The following SPATA17 variants were observed in gnomAD, a reference collection of about 807,000 sequenced individuals.
SPATA17 encodes spermatogenesis-associated protein 17.
A neutral mutation model predicts 62.2 loss-of-function variants in SPATA17; 53 were observed. That is an observed-to-expected ratio of 0.85 (90% confidence interval 0.68 to 1.07). The LOEUF (loss-of-function observed/expected upper bound fraction) is 1.07, where lower values mean the gene tolerates loss of function less well. Ranked by LOEUF, SPATA17 falls within the 50% of genes least tolerant of loss-of-function variation. SPATA17 has a pLI of 0.00. For missense variants in SPATA17, 466 were observed against 425.5 expected, an observed-to-expected ratio of 1.10 and a Z score of -0.84; for synonymous variants, 146 against 146.8, an observed-to-expected ratio of 0.99 and a Z score of 0.04.
At chr1:217,712,128 C>CTTTTTTT (rs551988828) in intron 5 of SPATA17, among the ~76,000 whole-genome samples, 1,889 of 133,994 alleles carry the variant, frequency 0.014, 96 homozygotes, top group Non-Finnish European at 0.017. Context: ...ACAATATGTT[C>CTTTTTTT]TTTTGTTTTT....
At chr1:217,636,492 C>G (rs1313573065) in intron 1 of SPATA17, among the ~76,000 whole-genome samples, 1 of 152,090 alleles carries the variant, frequency 6.6e-6, no homozygotes, top group Non-Finnish European at 1.5e-5. Context: ...CAGGTCACTG[C>G]ACCTCTGCCT....
At chr1:217,689,566 TA>T (rs1251172083) in intron 5 of SPATA17, among the ~76,000 whole-genome samples, 1 of 152,056 alleles carries the variant, frequency 6.6e-6, no homozygotes, top group African/African-American at 2.4e-5. Flanking sequence ...TGAGAACTAT[TA>T]ACAGGCAAGT....
At chr1:217,771,722 G>A (rs1416329590) in intron 6 of SPATA17, among the ~76,000 whole-genome samples, 1 of 152,094 alleles carries the variant, frequency 6.6e-6, no homozygotes, top group Non-Finnish European at 1.5e-5. Flanking sequence ...GATTTAAATT[G>A]CAAAGAGAAT....
At chr1:217,715,978 T>C (rs1671993568) in intron 5 of SPATA17, among the ~76,000 whole-genome samples, 1 of 152,218 alleles carries the variant, frequency 6.6e-6, no homozygotes, top group Non-Finnish European at 1.5e-5. Flanking sequence ...TGTTTATGAA[T>C]ATGCGTCGAG....
chr1:217,760,094 G>C (rs1397850805), intron 6 of SPATA17, among the ~76,000 whole-genome samples: 1 of 152,118 alleles, frequency 6.6e-6, no homozygotes, highest in Non-Finnish European at 1.5e-5. Flanking sequence ...TCATTTTACA[G>C]ATTGGTTTTT....
intron 9 of SPATA17, among the ~76,000 whole-genome samples, chr1:217,861,414 T>C (rs1158779107): frequency 1.3e-5 from 2 of 148,586 alleles, no homozygotes; most frequent in Non-Finnish European, 3.0e-5. Context: ...TTTATAAAAA[T>C]AAAGGTATTC....
chr1:217,742,846 C>T (rs1295976696), intron 6 of SPATA17, among the ~76,000 whole-genome samples: 2 of 151,746 alleles, frequency 1.3e-5, no homozygotes, highest in Non-Finnish European at 2.9e-5. Context: ...TAGTTCTGGC[C>T]AGAGTCACAT....
At position 217,792,727 on chromosome 1, in the gene SPATA17, A is replaced by G. The variant is rs145390867; in HGVS notation, c.873-8991A>G. Reference sequence around the variant, plus strand: ...TAAGTTAAAGGTCTATTAACGTACTAATAGACCACGACTGTGGTCTCGGGG... The same window carrying G: ...TAAGTTAAAGGTCTATTAACGTACTGATAGACCACGACTGTGGTCTCGGGG... On this transcript the variant is annotated intron_variant, in intron 8 of 10. Coordinates refer to ENST00000366933, the MANE Select transcript of SPATA17 (RefSeq NM_138796.4). 3.2e-3 allele frequency among the ~76,000 whole-genome samples: 485 copies of G among 152,254 alleles called. 2 individuals are homozygous for G. Among genetic ancestry groups the G allele is most frequent in the African/African-American group, 0.011 (443 of 41,554 alleles).
chr1:217,720,095 A>AT (rs1672089444), intron 5 of SPATA17, among the ~76,000 whole-genome samples: 2 of 152,346 alleles, frequency 1.3e-5, no homozygotes, highest in South Asian at 4.1e-4. Flanking sequence ...GGAGGAGGGA[A>AT]GGGGTAACAC....
intron 9 of SPATA17, among the ~76,000 whole-genome samples, chr1:217,862,346 T>A (rs1675914115): frequency 6.6e-6 from 1 of 152,206 alleles, no homozygotes; most frequent in South Asian, 2.1e-4. Context: ...ACTTCTGAGG[T>A]AATAAAAATA....
chr1:217,804,023 G>GA (rs1013725554), intron 9 of SPATA17, among the ~76,000 whole-genome samples: 76 of 138,496 alleles, frequency 5.5e-4, no homozygotes, highest in East Asian at 2.7e-3. Flanking sequence ...CTCAAAAGAG[G>GA]AAAAAAAAAA....
chr1:217,725,298 TC>T (rs1672235002), intron 5 of SPATA17, among the ~76,000 whole-genome samples: 1 of 152,212 alleles, frequency 6.6e-6, no homozygotes. Flanking sequence ...GCTGTCTGAT[TC>T]TTCTCTTTCT....
intron 5 of SPATA17, among the ~76,000 whole-genome samples, chr1:217,721,898 A>G (rs1233338388): frequency 2.6e-5 from 4 of 152,142 alleles, no homozygotes; most frequent in African/African-American, 2.4e-5. Flanking sequence ...AAACTACCAA[A>G]CATTCCTCTC....
intron 8 of SPATA17, among the ~76,000 whole-genome samples, chr1:217,797,431 G>C (rs769744100): frequency 2.4e-4 from 36 of 151,614 alleles, no homozygotes; most frequent in Non-Finnish European, 4.3e-4. Context: ...TATATTTTTA[G>C]TAGAGATGAG....
Position 217,774,483 on chromosome 1 carries a change from C to T in SPATA17, c.669C>T (p.Ala223=). ...CTGATTGGCTAGCTTGTACAAGCGC[C>T]CGTTCTTTTCCTCGGTCTGAAATTC... The part of the protein sequence containing the change: ...SLTDWLACTS[A]RSFPRSEILP... Residue 223 remains alanine, a synonymous_variant, in exon 7 of 11, where the codon GCC becomes GCT. Coordinates refer to ENST00000366933, the MANE Select transcript of SPATA17 (RefSeq NM_138796.4). The T allele has an allele frequency of 6.2e-7, 1 of 1,613,998 alleles. No homozygotes were observed. Among genetic ancestry groups the T allele is most frequent in the Non-Finnish European group, 8.5e-7 (1 of 1,179,974 alleles).
chr1:217,790,875 C>T (rs901461343), intron 8 of SPATA17, among the ~76,000 whole-genome samples: 4 of 152,092 alleles, frequency 2.6e-5, no homozygotes, highest in Non-Finnish European at 5.9e-5. Context: ...GTGGCATACA[C>T]GGGTAAGCAC....
intron 5 of SPATA17, among the ~76,000 whole-genome samples, chr1:217,696,005 C>T (rs1001421244): frequency 6.6e-6 from 1 of 151,560 alleles, no homozygotes; most frequent in Admixed American, 6.6e-5. Flanking sequence ...CCTCCTTGAG[C>T]TGTGGTGGGC....
intron 2 of SPATA17, among the ~76,000 whole-genome samples, chr1:217,649,205 G>T (rs545761829): frequency 1.3e-5 from 2 of 152,142 alleles, no homozygotes; most frequent in South Asian, 2.1e-4. Flanking sequence ...TTGGCTGGGC[G>T]CAGTGGCTCA....
At chr1:217,814,077 G>A (rs1049379296) in intron 9 of SPATA17, among the ~76,000 whole-genome samples, 3 of 151,964 alleles carry the variant, frequency 2.0e-5, no homozygotes, top group Non-Finnish European at 4.4e-5. Flanking sequence ...ATTTTAACTT[G>A]TGAATGAAAA....
Sources: allele counts gnomAD v4.1 joint callset (sites outside exome capture counted in the v4.1 genomes callset), GRCh38; gene constraint gnomAD v4.1.1; transcripts MANE v1.5; gene names NCBI Gene and HGNC (gene_info 2026-07-23, HGNC 2026-07-21).